The following COL5A1 variants were observed in gnomAD, a reference collection of about 807,000 sequenced individuals.
The protein encoded by COL5A1 is collagen type V alpha 1 chain, also known as collagen alpha-1(V) chain.
A neutral mutation model predicts 263.7 loss-of-function variants in COL5A1; 16 were observed. The ratio of observed to expected loss-of-function variants is 0.06; its 90% confidence interval spans 0.04 to 0.09. The LOEUF (loss-of-function observed/expected upper bound fraction) is 0.09. COL5A1 is among the 10% of genes least tolerant of loss of function. The pLI, the probability that COL5A1 is intolerant of heterozygous loss-of-function variation, is 1.00. For synonymous variants in COL5A1, 1,012 were observed against 1,004.5 expected (o/e 1.01, Z -0.14); for missense variants, 2,036 against 2,540.5 (o/e 0.80, Z 4.27).
At chr9:134,683,198 G>A (rs957875290) in intron 1 of COL5A1, among the ~76,000 whole-genome samples, 4 of 152,200 alleles carry the variant, frequency 2.6e-5, no homozygotes, top group Admixed American at 6.5e-5. Flanking sequence ...ACCTCCTCCC[G>A]TGGCAGTGCT....
intron 1 of COL5A1, among the ~76,000 whole-genome samples, chr9:134,645,645 C>T (rs555616837): frequency 3.9e-5 from 6 of 152,334 alleles, no homozygotes; most frequent in African/African-American, 9.6e-5. Context: ...CACCCTCACC[C>T]GGGCCTGAGA....
intron 4 of COL5A1, among the ~76,000 whole-genome samples, chr9:134,715,520 C>T (rs1834229356): frequency 6.6e-6 from 1 of 152,168 alleles, no homozygotes; most frequent in South Asian, 2.1e-4. Flanking sequence ...TCCTATGAGG[C>T]CATATTTCAG....
intron 25 of COL5A1, among the ~76,000 whole-genome samples, chr9:134,771,002 G>A (rs1376572728): frequency 2.0e-5 from 3 of 152,254 alleles, no homozygotes; most frequent in African/African-American, 7.2e-5. Context: ...AGGCCGCCGT[G>A]ATGCCGGCCG....
chr9:134,740,892 G>A (rs1835276290), intron 11 of COL5A1, among the ~76,000 whole-genome samples: 2 of 152,204 alleles, frequency 1.3e-5, no homozygotes, highest in African/African-American at 4.8e-5. Context: ...GAGGACTGAG[G>A]TTGGGGTTGG....
rs547292345 is a variant in COL5A1 at position 134,758,988 on chromosome 9, C to T, written c.1935+692C>T. 2.0e-5 allele frequency among the ~76,000 whole-genome samples: 3 copies of T among 152,268 alleles called. No individual in the cohort carries two copies. The South Asian group carries it at 6.2e-4, about 32-fold the overall frequency. Reference sequence around the variant, plus strand: ...CAATAACAACGTGATAGAAAGCCTACAATCTCCTGCCCTGTTGAGGAGGTG... The same window carrying T: ...CAATAACAACGTGATAGAAAGCCTATAATCTCCTGCCCTGTTGAGGAGGTG... On this transcript the variant is annotated intron_variant, in intron 18 of 65. Transcript: ENST00000371817. This position sits in a 1 kb window ranked among gnomAD's most constrained non-coding sequence, Gnocchi z 4.1.
Position 134,765,082 on chromosome 9 carries a change from G to C in COL5A1, c.2035-599G>C, listed in dbSNP as rs932885300. Among the ~76,000 whole-genome samples, 2 of 152,080 alleles carry C rather than the reference G, an allele frequency of 1.3e-5. No homozygotes were observed. Among genetic ancestry groups the C allele is most frequent in the Admixed American group, 1.3e-4 (2 of 15,278 alleles). Reference sequence around the variant, plus strand: ...CTGCGGTAAAGGGGAGGTTCTGCACGAGCCTCGCCGACCGGAGAGGGCGTG... The same window carrying C: ...CTGCGGTAAAGGGGAGGTTCTGCACCAGCCTCGCCGACCGGAGAGGGCGTG... On this transcript the variant is annotated intron_variant, in intron 20 of 65. Transcript: ENST00000371817. This position sits in a 1 kb window ranked among gnomAD's most constrained non-coding sequence, Gnocchi z 5.1.
Position 134,738,673 on chromosome 9 carries a change from T to C in COL5A1, c.1432-73T>C. On this transcript the variant is annotated intron_variant, in intron 10 of 65. Transcript: ENST00000371817. ...TATCCCACCCCCACCTCTGCCTTGG[T>C]TGGCCAGTTGGAACTTGGACCTTGC... The C allele has an allele frequency of 3.5e-6, 5 of 1,425,606 alleles. No homozygotes were observed. In the East Asian group the frequency reaches 9.1e-5, roughly 26 times the overall value. 88.3% of individuals were successfully genotyped at this position (1,425,606 alleles called of 1,614,324 possible). A position where few individuals can be genotyped will look rare whatever the true frequency, so the allele number is the denominator to read the frequency against.
chr9:134,782,445 A>T (rs1381912553), intron 28 of COL5A1: 6 of 643,292 alleles, frequency 9.3e-6, no homozygotes, highest in Non-Finnish European at 1.4e-5. Context: ...AGAAGCAGGG[A>T]CGCAGCTCTC....
At chr9:134,811,304 A>G in intron 44 of COL5A1, 35 bp from the exon 45 acceptor site, 1 of 1,608,900 alleles carries the variant, frequency 6.2e-7, no homozygotes, top group Non-Finnish European at 8.5e-7. Flanking sequence ...CCACGATCCA[A>G]GAAGCTACCT....
At chr9:134,786,858 C>G (rs567670446) in intron 31 of COL5A1, among the ~76,000 whole-genome samples, 3 of 152,330 alleles carry the variant, frequency 2.0e-5, no homozygotes, top group Admixed American at 6.5e-5. Flanking sequence ...AGCACCTTTT[C>G]GGTCTCACTG....
chr9:134,759,848 C>A lies in COL5A1; in HGVS notation c.1935+1552C>A, dbSNP rs796148871. On this transcript the variant is annotated intron_variant, in intron 18 of 65. Coordinates refer to ENST00000371817, the MANE Select transcript of COL5A1 (RefSeq NM_000093.5). ...CCCACACCCCCCCACTCACGCACACCCCCACACCCCCACACTCACACATGC... is the reference window on the plus strand; with the variant it reads ...CCCACACCCCCCCACTCACGCACACACCCACACCCCCACACTCACACATGC... 4.5e-3 allele frequency among the ~76,000 whole-genome samples: 303 copies of A among 67,374 alleles called. 19 individuals are homozygous for A. The highest frequency in any genetic ancestry group is 0.024 in the African/African-American group (226 of 9,272). 44.2% of individuals were successfully genotyped at this position (67,374 alleles called of 152,430 possible).
intron 4 of COL5A1, among the ~76,000 whole-genome samples, chr9:134,704,836 A>T (rs1182043146): frequency 6.6e-6 from 1 of 150,484 alleles, no homozygotes; most frequent in East Asian, 1.9e-4. Context: ...AAGTTCGGTG[A>T]GTTGGCCTCA....
intron 9 of COL5A1, chr9:134,732,706 A>C (rs921968253): frequency 5.5e-6 from 1 of 181,248 alleles, no homozygotes. Flanking sequence ...TTAGGTAATG[A>C]GATCACGGGT....
chr9:134,722,337 C>T (rs1399407828), intron 4 of COL5A1, among the ~76,000 whole-genome samples: 1 of 152,220 alleles, frequency 6.6e-6, no homozygotes, highest in African/African-American at 2.4e-5. Context: ...CTTTGTCCCG[C>T]TTCGTGGGTG....
In COL5A1 at chr9:134,696,154, C is replaced by T. The variant is rs1035094948; in HGVS notation, c.278-3755C>T. Among the ~76,000 whole-genome samples the T allele has an allele frequency of 3.3e-5, 5 of 152,072 alleles. No homozygotes were observed. ...TCTTTCTGCCACCCTGCCCCACTGC[C>T]CCCTGCATTATTTGCAATTATTATT... On this transcript the variant is annotated intron_variant, in intron 2 of 65. Transcript: ENST00000371817. This position sits in a 1 kb window ranked among gnomAD's most constrained non-coding sequence, Gnocchi z 4.3.
At chr9:134,713,393 C>T (rs1292357434) in intron 4 of COL5A1, among the ~76,000 whole-genome samples, 42 of 152,250 alleles carry the variant, frequency 2.8e-4, no homozygotes, top group Non-Finnish European at 8.8e-5. Context: ...GTGCGCTCCA[C>T]AGAGAAGTGA....
At chr9:134,812,792 G>C (rs1838586190) in intron 48 of COL5A1, 80 bp downstream of exon 48, 6 of 973,098 alleles carry the variant, frequency 6.2e-6, no homozygotes, top group Non-Finnish European at 8.0e-6. Flanking sequence ...GTGTGTCTGT[G>C]TGTATGTGTA....
rs990783157 is a variant in COL5A1 at position 134,696,170 on chromosome 9, A to G, written c.278-3739A>G. On this transcript the variant is annotated intron_variant, in intron 2 of 65. Transcript: ENST00000371817. This position sits in a 1 kb window ranked among gnomAD's most constrained non-coding sequence, Gnocchi z 4.3. ...CCCCACTGCCCCCTGCATTATTTGC[A>G]ATTATTATTATTATTATTATTGAGA... is the stretch of plus-strand genomic sequence containing the variant. 2.0e-5 allele frequency among the ~76,000 whole-genome samples: 3 copies of G among 151,122 alleles called. No individual in the cohort carries two copies. The highest frequency in any genetic ancestry group is 7.3e-5 in the African/African-American group (3 of 41,060).
chr9:134,765,380 C>A lies in COL5A1; in HGVS notation c.2035-301C>A, dbSNP rs1328535411. On this transcript the variant is annotated intron_variant, in intron 20 of 65. Transcript: ENST00000371817. This position sits in a 1 kb window ranked among gnomAD's most constrained non-coding sequence, Gnocchi z 5.1. The stretch of plus-strand genomic sequence containing the variant: ...GGGAGCGTCTGCTCACCTGCCCCAG[C>A]AAGTGTCAGAGGAGCCGGTCAGCTT... 1.3e-5 allele frequency among the ~76,000 whole-genome samples: 2 copies of A among 152,158 alleles called. No homozygotes were observed. The highest frequency in any genetic ancestry group is 3.9e-4 in the East Asian group (2 of 5,176).
Sources: allele counts gnomAD v4.1 joint callset (sites outside exome capture counted in the v4.1 genomes callset), GRCh38; gene constraint gnomAD v4.1.1; non-coding constraint Gnocchi (gnomAD v3.1); transcripts MANE v1.5; gene names NCBI Gene and HGNC (gene_info 2026-07-23, HGNC 2026-07-21).